Variants in STX11 observed in about 807,000 individuals in gnomAD.
STX11 encodes the protein syntaxin 11, also known as syntaxin-11.
Under a neutral mutation model 19.9 loss-of-function variants are expected in STX11, and 21 were observed. The ratio of observed to expected loss-of-function variants is 1.06; its 90% CI spans 0.75 to 1.52. The LOEUF (loss-of-function observed/expected upper bound fraction) is 1.52, where lower values mean the gene tolerates loss of function less well. STX11 is among the 40% of genes most tolerant of loss of function. The pLI is 0.00. For missense variants in STX11, 438 were observed against 405.9 expected (o/e 1.08, Z -0.68); for synonymous variants, 193 against 174.4 (o/e 1.11, Z -0.84).
Position 144,155,487 on chromosome 6 carries a change from C to A in STX11, c.-6+4784C>A, listed in dbSNP as rs1441018186. ...ATAGTTGCCCATGAAATGAGAGTGA[C>A]ATGAAGCCTCGCAGGGTAATAGAGC... On this transcript the variant is annotated intron_variant, in intron 1 of 1. Transcript: ENST00000367568. This position sits in a 1 kb window ranked among gnomAD's most constrained non-coding sequence, Gnocchi z 4.5. Among the ~76,000 whole-genome samples, 1 of 152,180 alleles carries A rather than the reference C, an allele frequency of 6.6e-6. No individual in the cohort carries two copies. The highest frequency in any genetic ancestry group is 1.5e-5 in the Non-Finnish European group (1 of 68,034).
In STX11 at chr6:144,187,090, G is replaced by A. The variant is rs763642990; in HGVS notation, c.463G>A (p.Asp155Asn). 4.3e-6 allele frequency: 7 copies of A among 1,613,740 alleles called. No homozygotes were observed. In the East Asian group the frequency reaches 1.6e-4, roughly 36 times the overall value. ...CAACCAGGCCGAGATGAAGCAGCGC[G>A]ACAACTGCAAGATCCGCATCCAGCG... ...DYNQAEMKQR[D>N]NCKIRIQRQL... Residue 155 changes from aspartate (D) to asparagine (N), a missense_variant, in exon 2 of 2, where the codon GAC (aspartate) becomes AAC (asparagine). Transcript: ENST00000367568. The surrounding 1 kb of genome is among the most constrained non-coding windows in gnomAD (Gnocchi z 5.6).
chr6:144,163,471 AT>A (rs1010252957), intron 1 of STX11, among the ~76,000 whole-genome samples: 36 of 150,486 alleles, frequency 2.4e-4, no homozygotes, highest in Admixed American at 5.3e-4. Flanking sequence ...TATTTTTAAA[AT>A]TTTTTTTTTA....
rs2068031769 is a variant in STX11, at chr6:144,182,861, T to C, written c.-5-3762T>C. Among the ~76,000 whole-genome samples the C allele has an allele frequency of 6.6e-6, 1 of 152,186 alleles. No homozygotes were observed. The highest frequency in any genetic ancestry group is 2.4e-5 in the African/African-American group (1 of 41,448). The stretch of plus-strand genomic sequence containing the variant: ...GCATCTCTCACCTATTCTTGCCTTG[T>C]TCATCAAAATGCATCCATTCCATCT... On this transcript the variant is annotated intron_variant, in intron 1 of 1. Coordinates refer to ENST00000367568, the MANE Select transcript of STX11 (RefSeq NM_003764.4). This position sits in a 1 kb window ranked among gnomAD's most constrained non-coding sequence, Gnocchi z 4.8.
At position 144,175,599 on chromosome 6, in the gene STX11, G is replaced by C. The variant is rs922004602; in HGVS notation, c.-5-11024G>C. Reference sequence around the variant, plus strand: ...TGGGATTACAGGCATGAGCCACCGCGCCCAGCCTTAATAACACTCTTTTAA... The same window carrying C: ...TGGGATTACAGGCATGAGCCACCGCCCCCAGCCTTAATAACACTCTTTTAA... On this transcript the variant is annotated intron_variant, in intron 1 of 1. Transcript: ENST00000367568. The surrounding 1 kb of genome is among the most constrained non-coding windows in gnomAD (Gnocchi z 5.1). 6.6e-6 allele frequency among the ~76,000 whole-genome samples: 1 copy of C among 152,070 alleles called. No individual in the cohort carries two copies. Among genetic ancestry groups the C allele is most frequent in the African/African-American group, 2.4e-5 (1 of 41,410 alleles).
rs114690157 is a variant in STX11 at position 144,177,289 on chromosome 6, A to G, written c.-5-9334A>G. Among the ~76,000 whole-genome samples, 3,138 of 152,308 alleles carry G rather than the reference A, an allele frequency of 0.021. 110 individuals carry two copies. Among genetic ancestry groups the G allele is most frequent in the African/African-American group, 0.072 (2,983 of 41,542 alleles). On this transcript the variant is annotated intron_variant, in intron 1 of 1. Coordinates refer to ENST00000367568, the MANE Select transcript of STX11 (RefSeq NM_003764.4). The surrounding 1 kb of genome is among the most constrained non-coding windows in gnomAD (Gnocchi z 4.4). Reference sequence around the variant, plus strand: ...TAGATCTTTGCTGTATTTTCCAGGCAAAGTTTTGCTTCACATTCTAGGGCC... The same window carrying G: ...TAGATCTTTGCTGTATTTTCCAGGCGAAGTTTTGCTTCACATTCTAGGGCC...
chr6:144,146,024 G>T (rs117287725), upstream of STX11, among the ~76,000 whole-genome samples: 939 of 152,218 alleles, frequency 6.2e-3, 45 homozygotes, highest in East Asian at 0.11. The surrounding 1 kb of genome is among the most constrained non-coding windows in gnomAD (Gnocchi z 4.4). Context: ...AAGAGTTCTC[G>T]AACTAGCATG....
rs1238827187 is a variant in STX11, at chr6:144,169,730, G to T, written c.-5-16893G>T. Among the ~76,000 whole-genome samples, 1 of 143,530 alleles carries T rather than the reference G, an allele frequency of 7.0e-6. No homozygotes were observed. The highest frequency in any genetic ancestry group is 2.6e-5 in the African/African-American group (1 of 39,194). 94.2% of individuals were successfully genotyped at this position (143,530 alleles called of 152,430 possible). On this transcript the variant is annotated intron_variant, in intron 1 of 1. Coordinates refer to ENST00000367568, the MANE Select transcript of STX11 (RefSeq NM_003764.4). The surrounding 1 kb of genome is among the most constrained non-coding windows in gnomAD (Gnocchi z 5.2). ...CTATGAGGTCTTGCTCTGTCACCCA[G>T]GCTGGAGTGCAGTGGCACAATCATA...
In STX11 at chr6:144,159,468, C is replaced by T. The variant is rs1040604285; in HGVS notation, c.-6+8765C>T. 3.3e-5 allele frequency among the ~76,000 whole-genome samples: 5 copies of T among 152,066 alleles called. No homozygotes were observed. The highest frequency in any genetic ancestry group is 1.3e-4 in the Admixed American group (2 of 15,266). On this transcript the variant is annotated intron_variant, in intron 1 of 1. Transcript: ENST00000367568. This position sits in a 1 kb window ranked among gnomAD's most constrained non-coding sequence, Gnocchi z 4.3. ...ATTTGGCTTTGGTTACAAGAGACTA[C>T]TTTTTAACAAAGGAAGATCTTTTGG...
At chr6:144,149,111 C>T (rs943524902), upstream of STX11, among the ~76,000 whole-genome samples, 8 of 152,222 alleles carry the variant, frequency 5.3e-5, no homozygotes, top group African/African-American at 1.9e-4. The surrounding 1 kb of genome is among the most constrained non-coding windows in gnomAD (Gnocchi z 5.1). Context: ...TGGCTTAGAA[C>T]ATCTGGCTGG....
In STX11 at chr6:144,154,324, C is replaced by G. The variant is rs1801080010; in HGVS notation, c.-6+3621C>G. 6.6e-6 allele frequency among the ~76,000 whole-genome samples: 1 copy of G among 152,244 alleles called. No individual in the cohort carries two copies. The highest frequency in any genetic ancestry group is 1.5e-5 in the Non-Finnish European group (1 of 68,036). On this transcript the variant is annotated intron_variant, in intron 1 of 1. Transcript: ENST00000367568. This position sits in a 1 kb window ranked among gnomAD's most constrained non-coding sequence, Gnocchi z 4.7. ...ATAAGATGGGCCTTCAGTGTCCCTA[C>G]TGTGCTACATGACATCCCACCCCCT...
intron 1 of STX11, among the ~76,000 whole-genome samples, chr6:144,185,076 T>C (rs1801992864): frequency 7.9e-5 from 12 of 152,224 alleles, no homozygotes; most frequent in Admixed American, 7.9e-4. Context: ...GAAGGTCTGG[T>C]ATTGATTATA....
intron 1 of STX11, among the ~76,000 whole-genome samples, chr6:144,168,334 G>A (rs917652476): frequency 7.2e-5 from 11 of 152,092 alleles, no homozygotes; most frequent in African/African-American, 1.2e-4. Flanking sequence ...ATACATGCAC[G>A]CTGCTCTAGT....
intron 1 of STX11, among the ~76,000 whole-genome samples, chr6:144,185,929 G>A (rs189483459): frequency 5.8e-4 from 89 of 152,212 alleles, no homozygotes; most frequent in African/African-American, 2.0e-3. Flanking sequence ...GTGTGTACAG[G>A]AGGGGATGCT....
chr6:144,166,425 A>T (rs1252263435), intron 1 of STX11, among the ~76,000 whole-genome samples: 1 of 152,122 alleles, frequency 6.6e-6, no homozygotes, highest in Non-Finnish European at 1.5e-5. Context: ...GTTCTTAAAC[A>T]TGAAAGCACA....
At chr6:144,164,570 G>A (rs1004683851) in intron 1 of STX11, among the ~76,000 whole-genome samples, 1 of 152,178 alleles carries the variant, frequency 6.6e-6, no homozygotes, top group African/African-American at 2.4e-5. Context: ...CAAACATGCA[G>A]CATCTCTTTT....
At chr6:144,142,569 G>T in the STX11 span, among the ~76,000 whole-genome samples, 1 of 152,046 alleles carries the variant, frequency 6.6e-6, no homozygotes, top group Non-Finnish European at 1.5e-5. Context: ...AAACACAATG[G>T]AATACTATTC....
chr6:144,171,723 T>C (rs930325386), intron 1 of STX11, among the ~76,000 whole-genome samples: 5 of 152,104 alleles, frequency 3.3e-5, no homozygotes, highest in Non-Finnish European at 7.4e-5. Context: ...TAGCATCTTT[T>C]TTTTTTCTCC....
At position 144,154,493 on chromosome 6, in the gene STX11, GC is replaced by G. The variant is rs1562654673; in HGVS notation, c.-6+3792del. Among the ~76,000 whole-genome samples, 1 of 152,196 alleles carries G rather than the reference GC, an allele frequency of 6.6e-6. No individual in the cohort carries two copies. The highest frequency in any genetic ancestry group is 2.4e-5 in the African/African-American group (1 of 41,438). On this transcript the variant is annotated intron_variant, in intron 1 of 1. Coordinates refer to ENST00000367568, the MANE Select transcript of STX11 (RefSeq NM_003764.4). This position sits in a 1 kb window ranked among gnomAD's most constrained non-coding sequence, Gnocchi z 4.7. ...CTTCAATCATTGTGTCTACAGAGCT[GC>G]CTTGGTTACCACCCCTCCTAAACAC...
At position 144,160,645 on chromosome 6, in the gene STX11, C is replaced by T. The variant is rs1016993810; in HGVS notation, c.-6+9942C>T. 2.0e-4 allele frequency among the ~76,000 whole-genome samples: 30 copies of T among 152,076 alleles called. No individual in the cohort carries two copies. The highest frequency in any genetic ancestry group is 5.6e-4 in the African/African-American group (23 of 41,394). On this transcript the variant is annotated intron_variant, in intron 1 of 1. Transcript: ENST00000367568. The surrounding 1 kb of genome is among the most constrained non-coding windows in gnomAD (Gnocchi z 4.3). Reference sequence around the variant, plus strand: ...AGAATACCAAACATTTGGCTGATTGCAGGGAGGGAGGGATTAATTCACCAT... The same window carrying T: ...AGAATACCAAACATTTGGCTGATTGTAGGGAGGGAGGGATTAATTCACCAT...
Sources: allele counts gnomAD v4.1 joint callset (sites outside exome capture counted in the v4.1 genomes callset), GRCh38; gene constraint gnomAD v4.1.1; non-coding constraint Gnocchi (gnomAD v3.1); transcripts MANE v1.5; gene names NCBI Gene and HGNC (gene_info 2026-07-23, HGNC 2026-07-21).